APOOL: variants seen among roughly 807,000 people sequenced by gnomAD.
APOOL encodes the protein apolipoprotein O like.
A neutral mutation model predicts 23.1 loss-of-function variants in APOOL; 12 were observed. That is an observed-to-expected ratio of 0.52 (90% CI 0.33 to 0.84). APOOL has a LOEUF of 0.84. Among genes scored for constraint, APOOL ranks in the 40% least tolerant of loss-of-function variants. The probability of loss-of-function intolerance (pLI) is 0.02; values close to 1 mark genes in which losing one functional copy is unlikely to be tolerated. For missense variants in APOOL, 212 were observed against 199.6 expected (o/e 1.06, Z -0.37); for synonymous variants, 77 against 69.9 (o/e 1.10, Z -0.51).
chrX:85,027,366 C>T (rs1014102706), intron 1 of APOOL, among the ~76,000 whole-genome samples: 1 of 111,362 alleles, frequency 9.0e-6, no homozygotes, highest in Non-Finnish European at 1.9e-5. Context: ...GATTAATATT[C>T]AACATGTGAT....
chrX:85,028,035 A>G (rs1313949179), intron 1 of APOOL, among the ~76,000 whole-genome samples: 1 of 111,383 alleles, frequency 9.0e-6, no homozygotes, highest in African/African-American at 3.3e-5. Flanking sequence ...TCCTATGGTA[A>G]TTACGTTTAG....
intron 1 of APOOL, among the ~76,000 whole-genome samples, chrX:85,027,328 A>G (rs1921878809): frequency 9.0e-6 from 1 of 110,999 alleles, no homozygotes; most frequent in Non-Finnish European, 1.9e-5. Context: ...AACACCTCCC[A>G]CTGCCAGCCC....
intron 1 of APOOL, among the ~76,000 whole-genome samples, chrX:85,040,851 T>C (rs1052062933): frequency 8.9e-6 from 1 of 112,032 alleles, no homozygotes; most frequent in African/African-American, 3.2e-5. Context: ...ATGTTCTTCA[T>C]TCCTATCTAT....
At chrX:85,036,597 A>G (rs1307455595) in intron 1 of APOOL, among the ~76,000 whole-genome samples, 4 of 111,851 alleles carry the variant, frequency 3.6e-5, no homozygotes, top group Non-Finnish European at 7.5e-5. Context: ...GATGTTGGCT[A>G]TGAGTTTGTC....
chrX:85,054,499 T>C, intron 4 of APOOL, 101 bp downstream of exon 4: 1 of 676,539 alleles, frequency 1.5e-6, no homozygotes, highest in Non-Finnish European at 2.2e-6. Flanking sequence ...ATCATGCATT[T>C]ACCAACTCAG....
chrX:85,005,899 C>A (rs185426953), intron 1 of APOOL, among the ~76,000 whole-genome samples: 70 of 111,991 alleles, frequency 6.3e-4, no homozygotes, highest in African/African-American at 1.9e-3. Context: ...TGGCAAAAAG[C>A]AAACCAGAAT....
chrX:85,074,044 C>G lies in APOOL; in HGVS notation c.533C>G (p.Ala178Gly), dbSNP rs1037876555. The G allele has an allele frequency of 2.7e-5, 32 of 1,167,337 alleles. No homozygotes were observed. The Admixed American group carries it at 7.0e-4, about 26-fold the overall frequency. The part of the protein sequence containing the change: ...VYATSQQIFG[A>G]VKSLWTKSSK... Reference sequence around the variant, plus strand: ...GCTACAAGCCAGCAAATTTTTGGAGCAGTTAAATCATTGTGGACAAAAAGC... The same window carrying G: ...GCTACAAGCCAGCAAATTTTTGGAGGAGTTAAATCATTGTGGACAAAAAGC... The change falls in exon 7 of 9, where the codon GCA becomes GGA. Residue 178 changes from alanine to glycine, a missense_variant. Transcript: ENST00000373173.
At chrX:85,070,448 TC>T (rs1484259129) in intron 6 of APOOL, among the ~76,000 whole-genome samples, 1 of 111,657 alleles carries the variant, frequency 9.0e-6, no homozygotes, top group African/African-American at 3.3e-5. Flanking sequence ...TAGCAAGTAG[TC>T]TGTCTTTGAA....
intron 1 of APOOL, among the ~76,000 whole-genome samples, chrX:85,030,753 G>A (rs900533552): frequency 9.0e-6 from 1 of 110,805 alleles, no homozygotes; most frequent in African/African-American, 3.3e-5. Context: ...TGGAGACTCC[G>A]AAGGGGCAGA....
Position 85,030,615 on chromosome X carries a change from T to A in APOOL, c.16-15831T>A, listed in dbSNP as rs760302689. ...AGAATGTCTTTTGTAGCAACTTGGATGGGACTGGCAGCCATTCTTCTAAAT... is the reference window on the plus strand; with the variant it reads ...AGAATGTCTTTTGTAGCAACTTGGAAGGGACTGGCAGCCATTCTTCTAAAT... On this transcript the variant is annotated intron_variant, in intron 1 of 8. Coordinates refer to ENST00000373173, the MANE Select transcript of APOOL (RefSeq NM_198450.6). Among the ~76,000 whole-genome samples, 4 of 111,992 alleles carry A rather than the reference T, an allele frequency of 3.6e-5. No individual in the cohort carries two copies. The South Asian group carries it at 1.5e-3, about 42-fold the overall frequency.
chrX:85,029,491 T>G (rs1921958390), intron 1 of APOOL, among the ~76,000 whole-genome samples: 1 of 111,745 alleles, frequency 8.9e-6, no homozygotes, highest in Non-Finnish European at 1.9e-5. Flanking sequence ...TTTTTCCCAG[T>G]ACCTAGTGTA....
In APOOL at chrX:85,051,489, G is replaced by A; in HGVS notation, c.221G>A (p.Cys74Tyr). ...GFASIRTATG[C>Y]YIGWCKGVYV... ...GCTTCCATCCGCACTGCAACTGGTT[G>A]TTACATTGGCTGGTGCAAGGTAAGT... Residue 74 changes from cysteine to tyrosine, a missense_variant, in exon 3 of 9, where the codon TGT becomes TAT. Cys to Tyr is a radical substitution (Grantham distance 194). Coordinates refer to ENST00000373173, the MANE Select transcript of APOOL (RefSeq NM_198450.6). 7 of 1,211,283 alleles carry A rather than the reference G, an allele frequency of 5.8e-6. No homozygotes were observed. The highest frequency in any genetic ancestry group is 1.8e-5 in the South Asian group (1 of 56,995).
chrX:85,087,515 C>G (rs1052919302), intron 8 of APOOL, 75 bp from the exon 9 acceptor site: 2 of 903,143 alleles, frequency 2.2e-6, no homozygotes, highest in African/African-American at 2.0e-5. Context: ...CTGGTTTGTT[C>G]GCTGCTGTCT....
intron 5 of APOOL, among the ~76,000 whole-genome samples, chrX:85,064,376 T>C (rs1185439528): frequency 3.7e-5 from 4 of 107,117 alleles, no homozygotes; most frequent in African/African-American, 1.4e-4. Flanking sequence ...TTTGTGCCTT[T>C]GTCACCTTCA....
At chrX:85,078,494 C>T (rs1043927018) in intron 8 of APOOL, among the ~76,000 whole-genome samples, 2 of 111,320 alleles carry the variant, frequency 1.8e-5, no homozygotes, top group African/African-American at 6.5e-5. Context: ...TTAGTGTAGC[C>T]TTGTAGTATA....
chrX:85,068,182 A>G (rs1296038861), intron 6 of APOOL, among the ~76,000 whole-genome samples: 1 of 111,481 alleles, frequency 9.0e-6, no homozygotes, highest in Non-Finnish European at 1.9e-5. Context: ...TTACATAGGA[A>G]TTAACCACTT....
At chrX:85,080,064 G>A (rs1262627569) in intron 8 of APOOL, among the ~76,000 whole-genome samples, 1 of 111,206 alleles carries the variant, frequency 9.0e-6, no homozygotes. Context: ...TTGATTTTTT[G>A]AAGGGTTTTT....
chrX:85,040,336 C>G (rs1425836105), intron 1 of APOOL, among the ~76,000 whole-genome samples: 1 of 111,692 alleles, frequency 9.0e-6, no homozygotes. Context: ...AATATTTTTT[C>G]ACATTGACCC....
At chrX:85,048,843 A>G (rs999091699) in intron 2 of APOOL, among the ~76,000 whole-genome samples, 1 of 111,501 alleles carries the variant, frequency 9.0e-6, no homozygotes, top group African/African-American at 3.3e-5. Context: ...TTCCTGCCTT[A>G]TATGCCATCT....
Sources: gnomAD v4.1 joint callset for allele counts (sites outside exome capture counted in the v4.1 genomes callset) on GRCh38, gnomAD v4.1.1 for gene constraint, MANE v1.5 for transcripts, NCBI Gene and HGNC (gene_info 2026-07-23, HGNC 2026-07-21) for gene names.